Variants in MGAT4C observed in about 807,000 individuals in gnomAD.
The protein encoded by MGAT4C is MGAT4 family member C, also known as alpha-1,3-mannosyl-glycoprotein 4-beta-N-acetylglucosaminyltransferase C.
A neutral mutation model predicts 40.1 loss-of-function variants in MGAT4C; 19 were observed. That is an observed-to-expected ratio of 0.47 (90% CI 0.33 to 0.70). The LOEUF (loss-of-function observed/expected upper bound fraction) is 0.70, where lower values mean the gene tolerates loss of function less well. MGAT4C is among the 30% of genes least tolerant of loss of function. The pLI is 0.02. For synonymous variants in MGAT4C, 181 were observed against 187.1 expected (o/e 0.97, Z 0.27); for missense variants, 491 against 563.2 (o/e 0.87, Z 1.30).
chr12:86,217,094 A>G (rs1266787989), intron 1 of MGAT4C, among the ~76,000 whole-genome samples: 2 of 152,246 alleles, frequency 1.3e-5, no homozygotes, highest in African/African-American at 4.8e-5. Flanking sequence ...AATCTTTACA[A>G]GTAATTTAAT....
chr12:86,421,549 A>C (rs942111438), intron 3 of MGAT4C, among the ~76,000 whole-genome samples: 1 of 152,090 alleles, frequency 6.6e-6, no homozygotes, highest in East Asian at 1.9e-4. Context: ...AGGCAGGGGG[A>C]TCAATTGAGG....
At chr12:86,774,307 C>CTTTCTTTCTTTCTTTCTTTCT (rs1951698172) in intron 1 of MGAT4C, among the ~76,000 whole-genome samples, 1 of 38,582 alleles carries the variant, frequency 2.6e-5, no homozygotes, top group African/African-American at 6.5e-5. Flanking sequence ...TTCTTTCTTT[C>CTTTCTTTCTTTCTTTCTTTCT]TTTCTTTCTT....
chr12:86,184,801 C>G (rs900646335), intron 1 of MGAT4C, among the ~76,000 whole-genome samples: 1 of 146,868 alleles, frequency 6.8e-6, no homozygotes, highest in Non-Finnish European at 1.5e-5. Flanking sequence ...GCCTCCTGCA[C>G]TAGGCTCCTG....
chr12:86,504,764 G>T (rs1435469853), intron 2 of MGAT4C, among the ~76,000 whole-genome samples: 1 of 152,044 alleles, frequency 6.6e-6, no homozygotes, highest in African/African-American at 2.4e-5. Context: ...TCAGTTCACT[G>T]CAACCTCCGC....
intron 4 of MGAT4C, among the ~76,000 whole-genome samples, chr12:86,308,502 T>C (rs1953994780): frequency 6.6e-6 from 1 of 150,484 alleles, no homozygotes; most frequent in South Asian, 2.1e-4. Flanking sequence ...AAGGATGTTT[T>C]CTTCTGCAAA....
At chr12:86,177,719 T>C (rs1009599268) in intron 1 of MGAT4C, among the ~76,000 whole-genome samples, 10 of 152,138 alleles carry the variant, frequency 6.6e-5, no homozygotes, top group Non-Finnish European at 1.3e-4. Flanking sequence ...ACAAATCCTG[T>C]GATTACAGTG....
At chr12:85,983,871 G>A (rs991186847) in intron 3 of MGAT4C, among the ~76,000 whole-genome samples, 1 of 151,902 alleles carries the variant, frequency 6.6e-6, no homozygotes. Flanking sequence ...CCAGTAGCTC[G>A]CTCGCCTATT....
chr12:86,014,822 T>TTTA (rs921152278), intron 2 of MGAT4C, among the ~76,000 whole-genome samples: 4 of 151,858 alleles, frequency 2.6e-5, no homozygotes, highest in South Asian at 2.1e-4. Flanking sequence ...GCTTGAACAA[T>TTTA]TTATTATTAT....
chr12:86,349,406 C>A (rs1305471393), intron 3 of MGAT4C, among the ~76,000 whole-genome samples: 1 of 152,090 alleles, frequency 6.6e-6, no homozygotes, highest in Non-Finnish European at 1.5e-5. Flanking sequence ...TTGGTATTCC[C>A]AACTATGATC....
chr12:86,253,987 T>C (rs1952411632), intron 1 of MGAT4C, among the ~76,000 whole-genome samples: 1 of 151,986 alleles, frequency 6.6e-6, no homozygotes, highest in Admixed American at 6.6e-5. Context: ...TGCAGAGAAC[T>C]TCAGAAGAGT....
chr12:86,766,731 A>G (rs1951516812), intron 1 of MGAT4C, among the ~76,000 whole-genome samples: 1 of 152,146 alleles, frequency 6.6e-6, no homozygotes, highest in Non-Finnish European at 1.5e-5. Flanking sequence ...AAACCGCTCA[A>G]CTACATGGAA....
chr12:86,377,841 G>A, intron 3 of MGAT4C, among the ~76,000 whole-genome samples: 1 of 151,982 alleles, frequency 6.6e-6, no homozygotes, highest in Non-Finnish European at 1.5e-5. Context: ...TATACTCATG[G>A]AACAGTAACT....
chr12:85,957,302 A>G lies in MGAT4C; in HGVS notation c.*21987T>C, dbSNP rs1408637169. On this transcript the variant is annotated 3_prime_UTR_variant, in exon 5 of 5. Transcript: ENST00000611864. ...ACCAAGGCCAAGGATCTTGCCCCTC[A>G]TTCTATAATGAGGTCATCTCATATT... The G allele has an allele frequency of 2.0e-5, 3 of 152,190 alleles. No individual in the cohort carries two copies. The highest frequency in any genetic ancestry group is 4.8e-5 in the African/African-American group (2 of 41,466). 9.4% of individuals were successfully genotyped at this position (152,190 alleles called of 1,614,324 possible).
intron 1 of MGAT4C, among the ~76,000 whole-genome samples, chr12:86,090,909 T>C (rs918410537): frequency 1.4e-4 from 22 of 151,912 alleles, no homozygotes; most frequent in Non-Finnish European, 2.4e-4. Context: ...AAACCAATTG[T>C]TTAATTTACC....
chr12:86,182,409 T>C (rs1319253961), intron 1 of MGAT4C, among the ~76,000 whole-genome samples: 1 of 152,188 alleles, frequency 6.6e-6, no homozygotes, highest in Non-Finnish European at 1.5e-5. Flanking sequence ...ATTAGATTCA[T>C]GGTAATAAGT....
At chr12:86,684,559 G>T (rs1243149122) in intron 2 of MGAT4C, among the ~76,000 whole-genome samples, 1 of 152,192 alleles carries the variant, frequency 6.6e-6, no homozygotes, top group Non-Finnish European at 1.5e-5. Flanking sequence ...TAATGGGATT[G>T]GTATGTCAAA....
chr12:86,044,404 T>A (rs1398099907), intron 2 of MGAT4C, among the ~76,000 whole-genome samples: 3 of 152,162 alleles, frequency 2.0e-5, no homozygotes, highest in African/African-American at 7.2e-5. Flanking sequence ...TTGGTCGGGC[T>A]GGGATGCTGG....
At chr12:86,623,387 AG>A (rs1962698254) in intron 2 of MGAT4C, among the ~76,000 whole-genome samples, 2 of 152,186 alleles carry the variant, frequency 1.3e-5, no homozygotes, top group South Asian at 4.1e-4. Context: ...AACTAACAAC[AG>A]GTCCATCTGA....
chr12:86,023,753 A>C (rs1405689186), intron 2 of MGAT4C, among the ~76,000 whole-genome samples: 3 of 151,644 alleles, frequency 2.0e-5, no homozygotes, highest in Admixed American at 2.0e-4. Flanking sequence ...ACTTACTGAA[A>C]TTGACTATAA....
Sources: gnomAD v4.1 joint callset for allele counts (sites outside exome capture counted in the v4.1 genomes callset) on GRCh38, gnomAD v4.1.1 for gene constraint, MANE v1.5 for transcripts, NCBI Gene and HGNC (gene_info 2026-07-23, HGNC 2026-07-21) for gene names.